AUTS2: variants seen among roughly 807,000 people sequenced by gnomAD.
AUTS2 encodes autism susceptibility gene 2 protein.
Under a neutral mutation model 112.4 loss-of-function variants are expected in AUTS2, and 17 were observed. That is an observed-to-expected ratio of 0.15 (90% CI 0.10 to 0.23). The LOEUF is 0.23. AUTS2 is among the 10% of genes least tolerant of loss of function. The probability of loss-of-function intolerance (pLI) is 1.00; values close to 1 mark genes in which losing one functional copy is unlikely to be tolerated. For synonymous variants in AUTS2, 751 were observed against 702.7 expected, an observed-to-expected ratio of 1.07 and a Z score of -1.09; for missense variants, 1,510 against 1,701.6, an observed-to-expected ratio of 0.89 and a Z score of 1.98.
chr7:69,976,773 A>G (rs1025379210), intron 2 of AUTS2, among the ~76,000 whole-genome samples: 3 of 151,888 alleles, frequency 2.0e-5, no homozygotes, highest in African/African-American at 7.3e-5. Context: ...ACTTTTTTTC[A>G]TTTTTTAATC....
intron 4 of AUTS2, among the ~76,000 whole-genome samples, chr7:70,380,950 T>A (rs1258283460): frequency 1.3e-5 from 2 of 152,234 alleles, no homozygotes; most frequent in Non-Finnish European, 2.9e-5. Context: ...AGTTTTCTCT[T>A]AAAATGGCCA....
chr7:70,408,058 A>T (rs1337862005), intron 4 of AUTS2, among the ~76,000 whole-genome samples: 2 of 151,258 alleles, frequency 1.3e-5, no homozygotes, highest in Non-Finnish European at 3.0e-5. Flanking sequence ...CATCTCAAAA[A>T]AAAAAAAAAA....
chr7:70,029,412 G>C (rs1800673829), intron 2 of AUTS2, among the ~76,000 whole-genome samples: 1 of 151,876 alleles, frequency 6.6e-6, no homozygotes. Context: ...ATGTTCACCT[G>C]TTTTTCTTTG....
chr7:70,031,537 A>G (rs1222701349), intron 2 of AUTS2, among the ~76,000 whole-genome samples: 1 of 152,188 alleles, frequency 6.6e-6, no homozygotes, highest in Non-Finnish European at 1.5e-5. Flanking sequence ...CTGCTTTATA[A>G]AAAGAATTAG....
intron 2 of AUTS2, among the ~76,000 whole-genome samples, chr7:70,056,606 A>T (rs1338253343): frequency 6.6e-6 from 1 of 152,232 alleles, no homozygotes; most frequent in East Asian, 1.9e-4. Flanking sequence ...GAGATTGGGC[A>T]GGCAGTGTTA....
chr7:70,081,580 A>G (rs1394571989), intron 2 of AUTS2, among the ~76,000 whole-genome samples: 1 of 151,956 alleles, frequency 6.6e-6, no homozygotes. Context: ...AGAAGGAAAA[A>G]AAAGAAACTG....
At chr7:70,446,514 T>C (rs1450020186) in intron 5 of AUTS2, among the ~76,000 whole-genome samples, 1 of 152,172 alleles carries the variant, frequency 6.6e-6, no homozygotes, top group African/African-American at 2.4e-5. Flanking sequence ...TCATGGATAA[T>C]GTGACCCTGA....
At chr7:69,811,408 C>G (rs1186667260) in intron 1 of AUTS2, among the ~76,000 whole-genome samples, 1 of 151,978 alleles carries the variant, frequency 6.6e-6, no homozygotes, top group Non-Finnish European at 1.5e-5. Flanking sequence ...TACTTGGACA[C>G]CTGAGATAGT....
intron 2 of AUTS2, among the ~76,000 whole-genome samples, chr7:70,086,205 G>T (rs1803589159): frequency 6.6e-6 from 1 of 152,128 alleles, no homozygotes; most frequent in Non-Finnish European, 1.5e-5. Context: ...TCTTCAAAAA[G>T]ACCTGCTGGG....
At chr7:70,256,410 C>T (rs971413498) in intron 4 of AUTS2, among the ~76,000 whole-genome samples, 2 of 152,132 alleles carry the variant, frequency 1.3e-5, no homozygotes, top group African/African-American at 4.8e-5. Context: ...CCACTTCATG[C>T]CCCAGTCCTG....
intron 5 of AUTS2, among the ~76,000 whole-genome samples, chr7:70,511,559 T>G (rs199763240): frequency 0.068 from 8,961 of 131,784 alleles, 348 homozygotes; most frequent in African/African-American, 0.11. Context: ...TTTTTTCATT[T>G]TCTTTTTTTT....
At chr7:70,708,347 T>C (rs1392174516) in intron 6 of AUTS2, among the ~76,000 whole-genome samples, 4 of 152,202 alleles carry the variant, frequency 2.6e-5, no homozygotes, top group African/African-American at 9.6e-5. Context: ...GAAAGCAGAT[T>C]GGTCAGCTGT....
chr7:70,409,223 T>C (rs1794672826), intron 4 of AUTS2, among the ~76,000 whole-genome samples: 1 of 152,236 alleles, frequency 6.6e-6, no homozygotes, highest in Non-Finnish European at 1.5e-5. Context: ...CCCCTTGTTA[T>C]AAATCTCCAG....
intron 4 of AUTS2, among the ~76,000 whole-genome samples, chr7:70,392,752 C>T (rs999402770): frequency 6.6e-6 from 1 of 152,234 alleles, no homozygotes; most frequent in Admixed American, 6.5e-5. Context: ...GCCATTGGTA[C>T]CGCTCTTGCT....
intron 2 of AUTS2, among the ~76,000 whole-genome samples, chr7:70,089,545 A>G (rs894910007): frequency 2.0e-5 from 3 of 151,592 alleles, no homozygotes; most frequent in African/African-American, 7.3e-5. Context: ...GGTCTTTATA[A>G]TTCTTTTTAT....
chr7:69,836,318 G>A (rs991386164), intron 1 of AUTS2, among the ~76,000 whole-genome samples: 1 of 152,154 alleles, frequency 6.6e-6, no homozygotes, highest in African/African-American at 2.4e-5. Context: ...TTGTGTGTTT[G>A]GAGAGATGAC....
chr7:70,456,269 C>G (rs1796735371), intron 5 of AUTS2, among the ~76,000 whole-genome samples: 1 of 152,192 alleles, frequency 6.6e-6, no homozygotes, highest in Admixed American at 6.5e-5. Context: ...ACAATCACAC[C>G]TAAAAGCTTT....
chr7:69,852,559 T>C (rs973905371), intron 1 of AUTS2, among the ~76,000 whole-genome samples: 1 of 152,112 alleles, frequency 6.6e-6, no homozygotes, highest in Non-Finnish European at 1.5e-5. Context: ...CTCAAGCGAT[T>C]CTCCTGCCTC....
chr7:70,789,984 G>A lies in AUTS2; in HGVS notation c.2768G>A (p.Gly923Asp). The A allele has an allele frequency of 6.2e-7, 1 of 1,609,484 alleles. No homozygotes were observed. The highest frequency in any genetic ancestry group is 8.5e-7 in the Non-Finnish European group (1 of 1,178,038). The change falls in exon 19 of 19, where the codon GGC (glycine) becomes GAC (aspartate). Residue 923 changes from glycine to aspartate, a missense_variant. Coordinates refer to ENST00000342771, the MANE Select transcript of AUTS2 (RefSeq NM_015570.4). ...EGHLPEKDGHGHEGRAAGEEA... is the reference protein window; with the variant it reads ...EGHLPEKDGHDHEGRAAGEEA... The stretch of plus-strand genomic sequence containing the variant: ...CACCTGCCCGAGAAGGACGGGCACG[G>A]CCACGAGGGGCGCGCCGCGGGCGAA...
Sources: allele counts gnomAD v4.1 joint callset (sites outside exome capture counted in the v4.1 genomes callset), GRCh38; gene constraint gnomAD v4.1.1; transcripts MANE v1.5; gene names NCBI Gene and HGNC (gene_info 2026-07-23, HGNC 2026-07-21).